MYRIP: variants seen among roughly 807,000 people sequenced by gnomAD.
MYRIP encodes the protein rab effector MyRIP.
A neutral mutation model predicts 98.0 loss-of-function variants in MYRIP; 49 were observed. The ratio of observed to expected loss-of-function variants is 0.50; its 90% confidence interval spans 0.40 to 0.63. The LOEUF (loss-of-function observed/expected upper bound fraction) is 0.63. Ranked by LOEUF, MYRIP falls within the 30% of genes least tolerant of loss-of-function variation. MYRIP has a pLI of 0.00. For missense variants in MYRIP, 1,004 were observed against 1,058.2 expected (o/e 0.95, Z 0.71); for synonymous variants, 404 against 409.5 (o/e 0.99, Z 0.16).
chr3:40,002,925 CAT>C (rs1011766708), intron 2 of MYRIP, among the ~76,000 whole-genome samples: 5 of 151,638 alleles, frequency 3.3e-5, no homozygotes, highest in Non-Finnish European at 5.9e-5. Flanking sequence ...CATATATAGA[CAT>C]ATATAGATAT....
chr3:40,106,188 C>T (rs561780212), intron 3 of MYRIP, among the ~76,000 whole-genome samples: 1 of 151,986 alleles, frequency 6.6e-6, no homozygotes, highest in Non-Finnish European at 1.5e-5. Flanking sequence ...GTTAACAAAA[C>T]AATCTTGGCA....
intron 11 of MYRIP, among the ~76,000 whole-genome samples, chr3:40,219,457 G>C (rs904895318): frequency 1.7e-4 from 26 of 152,072 alleles, no homozygotes; most frequent in African/African-American, 6.3e-4. Flanking sequence ...TTAGCATTAG[G>C]TATATCTCCT....
At chr3:40,126,852 C>T (rs997902862) in intron 3 of MYRIP, among the ~76,000 whole-genome samples, 1 of 152,186 alleles carries the variant, frequency 6.6e-6, no homozygotes, top group African/African-American at 2.4e-5. Flanking sequence ...ATCCCTGGGG[C>T]CTATCCTCAA....
chr3:39,888,163 A>G (rs1943364572), intron 1 of MYRIP, among the ~76,000 whole-genome samples: 1 of 152,192 alleles, frequency 6.6e-6, no homozygotes, highest in Non-Finnish European at 1.5e-5. Flanking sequence ...TTCTTCACAG[A>G]ATTAGAAAAA....
intron 2 of MYRIP, among the ~76,000 whole-genome samples, chr3:39,907,608 G>T (rs1943909850): frequency 6.6e-6 from 1 of 152,190 alleles, no homozygotes; most frequent in Non-Finnish European, 1.5e-5. Context: ...AGGAGACTTT[G>T]TGTGGGTTTA....
chr3:39,923,697 C>T (rs955651446), intron 2 of MYRIP, among the ~76,000 whole-genome samples: 2 of 152,054 alleles, frequency 1.3e-5, no homozygotes, highest in African/African-American at 2.4e-5. Flanking sequence ...GAAGAAAGAA[C>T]ATGGCAAGCA....
intron 1 of MYRIP, among the ~76,000 whole-genome samples, chr3:39,891,123 A>C (rs186959755): frequency 6.6e-6 from 1 of 152,034 alleles, no homozygotes; most frequent in Non-Finnish European, 1.5e-5. Context: ...TTTTTAAACA[A>C]TTTTCAATAT....
intron 3 of MYRIP, among the ~76,000 whole-genome samples, chr3:40,093,492 G>A (rs1399794819): frequency 6.6e-6 from 1 of 152,104 alleles, no homozygotes; most frequent in Admixed American, 6.5e-5. Context: ...TTCTCTAGTT[G>A]GAACATACAT....
At chr3:40,044,420 G>A (rs750667007) in intron 3 of MYRIP, 149 bp downstream of exon 3, 25 of 801,474 alleles carry the variant, frequency 3.1e-5, no homozygotes, top group Non-Finnish European at 4.5e-5. Flanking sequence ...GAGATGCATG[G>A]ATAAGGAAAC....
At chr3:40,021,687 A>G (rs1042824096) in intron 2 of MYRIP, among the ~76,000 whole-genome samples, 1 of 152,236 alleles carries the variant, frequency 6.6e-6, no homozygotes, top group Admixed American at 6.5e-5. Context: ...TGTGGGCACC[A>G]TGTGATACAG....
intron 1 of MYRIP, among the ~76,000 whole-genome samples, chr3:39,871,423 C>A (rs1184642258): frequency 1.3e-5 from 2 of 152,140 alleles, no homozygotes; most frequent in African/African-American, 2.4e-5. Context: ...CTTTAGTCAG[C>A]ATGAGTTCTT....
intron 2 of MYRIP, among the ~76,000 whole-genome samples, chr3:39,975,700 G>A (rs1945731356): frequency 6.6e-6 from 1 of 152,042 alleles, no homozygotes; most frequent in African/African-American, 2.4e-5. Context: ...CCAAAACAAA[G>A]ATATAGACTA....
At chr3:40,036,565 TTGA>T (rs1947390941) in intron 2 of MYRIP, among the ~76,000 whole-genome samples, 1 of 152,094 alleles carries the variant, frequency 6.6e-6, no homozygotes, top group South Asian at 2.1e-4. Context: ...AGTTCTGCTA[TTGA>T]TGATTGCTGA....
intron 2 of MYRIP, among the ~76,000 whole-genome samples, chr3:40,026,408 G>A (rs1947130858): frequency 6.6e-6 from 1 of 151,926 alleles, no homozygotes; most frequent in Non-Finnish European, 1.5e-5. Context: ...ATTTCATGTT[G>A]TTCAAACACA....
Position 40,233,984 on chromosome 3 carries a change from G to A in MYRIP, c.2031G>A (p.Gln677=). ...CCCCACAAGTCCCTCCTGACAGACA[G>A]AAGGGGATGTTTCCTCGTGGGACAG... The part of the protein sequence containing the change: ...WESPQVPPDR[Q]KGMFPRGTDQ... The change falls in exon 12 of 17, where the codon CAG becomes CAA. Residue 677 remains glutamine (Q), a synonymous_variant. Coordinates refer to ENST00000302541, the MANE Select transcript of MYRIP (RefSeq NM_015460.4). 1 of 1,613,546 alleles carries A rather than the reference G, an allele frequency of 6.2e-7. No individual in the cohort carries two copies. Among genetic ancestry groups the A allele is most frequent in the South Asian group, 1.1e-5 (1 of 90,866 alleles).
chr3:40,172,971 C>G (rs894125443), intron 8 of MYRIP, among the ~76,000 whole-genome samples: 5 of 152,184 alleles, frequency 3.3e-5, no homozygotes, highest in African/African-American at 1.2e-4. Context: ...CAGACCTTTT[C>G]TGATTTTTCC....
intron 1 of MYRIP, among the ~76,000 whole-genome samples, chr3:39,825,302 C>T (rs1460781123): frequency 6.6e-6 from 1 of 152,032 alleles, no homozygotes; most frequent in Non-Finnish European, 1.5e-5. Flanking sequence ...TGGCTTTTTC[C>T]CATTCAGTAT....
intron 1 of MYRIP, among the ~76,000 whole-genome samples, chr3:39,875,615 G>T (rs1252583029): frequency 6.6e-6 from 1 of 151,252 alleles, no homozygotes; most frequent in African/African-American, 2.4e-5. Flanking sequence ...AGTCATTCAG[G>T]AGCAGGTTGT....
At chr3:39,919,727 T>TGTGTGTGA (rs1553645683) in intron 2 of MYRIP, among the ~76,000 whole-genome samples, 108 of 123,472 alleles carry the variant, frequency 8.7e-4, no homozygotes, top group Non-Finnish European at 1.6e-3. Context: ...TGTGTGTGTG[T>TGTGTGTGA]GAGAGAGAGA....
Sources: allele counts gnomAD v4.1 joint callset (sites outside exome capture counted in the v4.1 genomes callset), GRCh38; gene constraint gnomAD v4.1.1; transcripts MANE v1.5; gene names NCBI Gene and HGNC (gene_info 2026-07-23, HGNC 2026-07-21).